TBC1D1: variants seen among roughly 807,000 people sequenced by gnomAD.
TBC1D1 encodes the protein TBC1 (tre-2/USP6, BUB2, cdc16) domain family, member 1.
TBC1D1 carries 89 observed loss-of-function variants against 125.6 expected under a neutral mutation model. The ratio of observed to expected loss-of-function variants is 0.71; its 90% CI spans 0.60 to 0.85. The LOEUF (loss-of-function observed/expected upper bound fraction) is 0.85, where lower values mean the gene tolerates loss of function less well. Ranked by LOEUF, TBC1D1 falls within the 40% of genes least tolerant of loss-of-function variation. The pLI is 0.00. For synonymous variants in TBC1D1, 565 were observed against 564.1 expected (o/e 1.00, Z -0.02); for missense variants, 1,377 against 1,469.2 (o/e 0.94, Z 1.03).
chr4:37,923,095 A>G (rs1174366078), intron 2 of TBC1D1, among the ~76,000 whole-genome samples: 2 of 151,976 alleles, frequency 1.3e-5, no homozygotes, highest in Non-Finnish European at 2.9e-5. Context: ...TCCTAATGCT[A>G]TCCTTCCCCT....
At chr4:37,984,424 T>C (rs1735006760) in intron 2 of TBC1D1, among the ~76,000 whole-genome samples, 1 of 152,252 alleles carries the variant, frequency 6.6e-6, no homozygotes, top group African/African-American at 2.4e-5. Flanking sequence ...CATTTGATGT[T>C]GTATTCTGGA....
At chr4:38,011,290 T>G (rs981161861) in intron 2 of TBC1D1, among the ~76,000 whole-genome samples, 2 of 149,854 alleles carry the variant, frequency 1.3e-5, no homozygotes, top group African/African-American at 4.9e-5. Context: ...GGGGCAGAGG[T>G]TGCAGTGAGC....
intron 2 of TBC1D1, among the ~76,000 whole-genome samples, chr4:37,911,131 CTTTT>C (rs71658745): frequency 0.026 from 2,430 of 94,902 alleles, 58 homozygotes; most frequent in Admixed American, 0.099. Context: ...TCCCCTCCTC[CTTTT>C]TTTTTTTTTT....
At chr4:37,970,492 T>C (rs897283295) in intron 2 of TBC1D1, among the ~76,000 whole-genome samples, 9 of 152,340 alleles carry the variant, frequency 5.9e-5, no homozygotes, top group African/African-American at 2.2e-4. Context: ...GGAAAGCCCA[T>C]TCCCTCTCCA....
intron 2 of TBC1D1, among the ~76,000 whole-genome samples, chr4:37,973,668 C>T (rs145228451): frequency 1.3e-5 from 2 of 152,312 alleles, no homozygotes; most frequent in East Asian, 3.9e-4. Context: ...CATCCACTCA[C>T]ATCAAAACTA....
Position 38,051,884 on chromosome 4 carries a change from C to T in TBC1D1, c.1910+1986C>T. 1.9e-6 allele frequency: 3 copies of T among 1,545,578 alleles called. No individual in the cohort carries two copies. Among genetic ancestry groups the T allele is most frequent in the Non-Finnish European group, 2.6e-6 (3 of 1,143,928 alleles). On this transcript the variant is annotated intron_variant, in intron 11 of 19. Coordinates refer to ENST00000261439, the MANE Select transcript of TBC1D1 (RefSeq NM_015173.4). Reference sequence around the variant, plus strand: ...TCCTGCTAACCCCCCCGTGCTTTCTCTGATTGCTGTTTAGTGTGGATCCTT... The same window carrying T: ...TCCTGCTAACCCCCCCGTGCTTTCTTTGATTGCTGTTTAGTGTGGATCCTT...
chr4:38,052,506 A>AT (rs532118518), intron 11 of TBC1D1, among the ~76,000 whole-genome samples: 101 of 147,836 alleles, frequency 6.8e-4, no homozygotes, highest in East Asian at 2.6e-3. Context: ...TAATATTTTT[A>AT]TTTTTTTTTG....
chr4:37,977,540 TCGGG>T lies in TBC1D1; in HGVS notation c.418-36962_418-36959del. ...AGCTGGGTGGCCAAGGTAGGCGGCG[TCGGG>T]CGGGCGCCCGTTACCGGAGCGGAGC... On this transcript the variant is annotated intron_variant, in intron 2 of 19. Coordinates refer to ENST00000261439, the MANE Select transcript of TBC1D1 (RefSeq NM_015173.4). This position sits in a 1 kb window ranked among gnomAD's most constrained non-coding sequence, Gnocchi z 4.3. The T allele has an allele frequency of 1.1e-6, 1 of 924,154 alleles. No homozygotes were observed. Among genetic ancestry groups the T allele is most frequent in the Non-Finnish European group, 1.3e-6 (1 of 763,306 alleles). 57.2% of individuals were successfully genotyped at this position (924,154 alleles called of 1,614,324 possible).
chr4:38,110,134 A>G (rs1761971751), intron 15 of TBC1D1: 4 of 914,718 alleles, frequency 4.4e-6, no homozygotes, highest in Non-Finnish European at 5.2e-6. Flanking sequence ...CAGCTGCCAC[A>G]TGGTAAACAG....
chr4:38,017,143 G>T (rs569170028), intron 3 of TBC1D1, among the ~76,000 whole-genome samples: 1 of 152,276 alleles, frequency 6.6e-6, no homozygotes, highest in East Asian at 1.9e-4. Context: ...AAGTAATAAT[G>T]CCTTGGAGCC....
In TBC1D1 at chr4:37,985,013, C is replaced by T. The variant is rs142714100; in HGVS notation, c.418-29496C>T. 4.4e-3 allele frequency among the ~76,000 whole-genome samples: 671 copies of T among 151,898 alleles called. 4 individuals are homozygous for T. Among genetic ancestry groups the T allele is most frequent in the Middle Eastern group, 0.017 (5 of 292 alleles). On this transcript the variant is annotated intron_variant, in intron 2 of 19. Coordinates refer to ENST00000261439, the MANE Select transcript of TBC1D1 (RefSeq NM_015173.4). ...TGTCACCCAGGCTGGAGTGCAGTGG[C>T]GTGATCTCGGCTCACTGCAACCTCT... is the stretch of plus-strand genomic sequence containing the variant.
At chr4:38,037,810 G>T (rs1747512890) in intron 8 of TBC1D1, among the ~76,000 whole-genome samples, 1 of 152,226 alleles carries the variant, frequency 6.6e-6, no homozygotes, top group African/African-American at 2.4e-5. Context: ...AATAGTGCTG[G>T]AGAACTGTCA....
intron 17 of TBC1D1, among the ~76,000 whole-genome samples, chr4:38,122,299 C>T (rs745929732): frequency 2.6e-5 from 4 of 152,206 alleles, no homozygotes; most frequent in Non-Finnish European, 5.9e-5. Context: ...GAACAATAAG[C>T]ATTCAGCGAC....
intron 12 of TBC1D1, among the ~76,000 whole-genome samples, chr4:38,070,550 G>T (rs781709696): frequency 2.0e-5 from 3 of 152,210 alleles, no homozygotes; most frequent in Admixed American, 6.5e-5. Context: ...GTGGCCTGGT[G>T]CAGAGTTTGG....
At chr4:37,933,053 AAAC>A (rs1323416699) in intron 2 of TBC1D1, among the ~76,000 whole-genome samples, 5 of 148,290 alleles carry the variant, frequency 3.4e-5, no homozygotes, top group African/African-American at 1.0e-4. Context: ...CTCCATTTAA[AAAC>A]AAAAAAACAA....
At chr4:38,032,632 A>G (rs1479268990) in intron 7 of TBC1D1, among the ~76,000 whole-genome samples, 2 of 152,184 alleles carry the variant, frequency 1.3e-5, no homozygotes. Flanking sequence ...CAGGAGATCA[A>G]GACCATCCTG....
chr4:38,024,021 C>T (rs961216492), intron 6 of TBC1D1, among the ~76,000 whole-genome samples: 2 of 152,000 alleles, frequency 1.3e-5, no homozygotes, highest in Admixed American at 6.6e-5. Flanking sequence ...TGAAAGCCAT[C>T]GAGATAGATG....
chr4:37,945,512 CAAAAAAAAAAAAAAAAAAAAAA>C (rs59557310), intron 2 of TBC1D1, among the ~76,000 whole-genome samples: 263 of 20,702 alleles, frequency 0.013, 6 homozygotes, highest in African/African-American at 0.045. Flanking sequence ...GACTCCACCT[CAAAAAAAAAAAAAAAAAAAAAA>C]AAAAAAAAAA....
rs1742106467 is a variant in TBC1D1 at position 38,014,173 on chromosome 4, T to C, written c.418-336T>C. Reference sequence around the variant, plus strand: ...GGAGTGGGACCAGCCTGGGCTTGAATCCAAGGCCTGCTAGGTTGGGCTGTG... The same window carrying C: ...GGAGTGGGACCAGCCTGGGCTTGAACCCAAGGCCTGCTAGGTTGGGCTGTG... On this transcript the variant is annotated intron_variant, in intron 2 of 19. Coordinates refer to ENST00000261439, the MANE Select transcript of TBC1D1 (RefSeq NM_015173.4). The surrounding 1 kb of genome is among the most constrained non-coding windows in gnomAD (Gnocchi z 5.1). 6.6e-6 allele frequency among the ~76,000 whole-genome samples: 1 copy of C among 152,188 alleles called. No individual in the cohort carries two copies. The highest frequency in any genetic ancestry group is 2.1e-4 in the South Asian group (1 of 4,834).
Sources: allele counts gnomAD v4.1 joint callset (sites outside exome capture counted in the v4.1 genomes callset), GRCh38; gene constraint gnomAD v4.1.1; non-coding constraint Gnocchi (gnomAD v3.1); transcripts MANE v1.5; gene names NCBI Gene and HGNC (gene_info 2026-07-23, HGNC 2026-07-21).